Variants in FOXP1 observed in about 807,000 individuals in gnomAD.
FOXP1 encodes the protein forkhead box P1.
A neutral mutation model predicts 98.2 loss-of-function variants in FOXP1; 15 were observed. The ratio of observed to expected loss-of-function variants is 0.15; its 90% CI spans 0.10 to 0.24. FOXP1 has a LOEUF of 0.24. FOXP1 is among the 10% of genes least tolerant of loss of function. FOXP1 has a pLI of 1.00. For synonymous variants in FOXP1, 371 were observed against 314.5 expected, an observed-to-expected ratio of 1.18 and a Z score of -1.90; for missense variants, 633 against 848.5, an observed-to-expected ratio of 0.75 and a Z score of 3.15.
At chr3:71,019,236 G>A (rs952825624) in intron 11 of FOXP1, among the ~76,000 whole-genome samples, 1 of 152,160 alleles carries the variant, frequency 6.6e-6, no homozygotes, top group African/African-American at 2.4e-5. Context: ...AACATGGTGG[G>A]AAAAGGATGA....
At chr3:71,141,356 A>G (rs978796021) in intron 6 of FOXP1, among the ~76,000 whole-genome samples, 1 of 151,562 alleles carries the variant, frequency 6.6e-6, no homozygotes, top group Admixed American at 6.6e-5. Flanking sequence ...TTCCAGTGAC[A>G]CTGCATGTTT....
intron 2 of FOXP1, among the ~76,000 whole-genome samples, chr3:71,513,027 C>T (rs1301172790): frequency 6.6e-6 from 1 of 152,124 alleles, no homozygotes; most frequent in Admixed American, 6.5e-5. Context: ...AACATGAAAA[C>T]AGCCTGCTCC....
rs192895137 is a variant in FOXP1 at position 71,100,937 on chromosome 3, A to G, written c.282+11599T>C. Among the ~76,000 whole-genome samples, 52 of 152,284 alleles carry G rather than the reference A, an allele frequency of 3.4e-4. 1 individual carries two copies. The South Asian group carries it at 5.8e-3, about 17-fold the overall frequency. ...TAACGGTTCTGAAGAGCAGAATGAC[A>G]TGGCGTTCGAGGAGAGGATAGGAGG... is the stretch of plus-strand genomic sequence containing the variant. On this transcript the variant is annotated intron_variant, in intron 7 of 20. Transcript: ENST00000649528.
At chr3:71,518,622 G>C (rs575390740) in intron 2 of FOXP1, among the ~76,000 whole-genome samples, 2 of 152,236 alleles carry the variant, frequency 1.3e-5, no homozygotes, top group South Asian at 4.1e-4. Context: ...TGGCAGACTT[G>C]GAAAACACAT....
intron 2 of FOXP1, among the ~76,000 whole-genome samples, chr3:71,522,290 G>GGGA (rs2043051765): frequency 6.6e-6 from 1 of 152,044 alleles, no homozygotes; most frequent in African/African-American, 2.4e-5. Context: ...TATTTCTCAG[G>GGGA]GTAAACTCTA....
At chr3:71,462,622 G>A (rs908474720) in intron 3 of FOXP1, among the ~76,000 whole-genome samples, 12 of 152,116 alleles carry the variant, frequency 7.9e-5, no homozygotes, top group Non-Finnish European at 1.5e-4. Context: ...CAAAACCTCC[G>A]TAGAATTTAA....
chr3:71,003,157 T>A (rs1328551871), intron 12 of FOXP1, among the ~76,000 whole-genome samples: 2 of 152,194 alleles, frequency 1.3e-5, no homozygotes, highest in East Asian at 3.9e-4. Flanking sequence ...CTCTTCAAAG[T>A]CACCCTCGCC....
intron 4 of FOXP1, among the ~76,000 whole-genome samples, chr3:71,327,501 C>T (rs577325987): frequency 1.1e-4 from 16 of 149,442 alleles, no homozygotes; most frequent in Non-Finnish European, 2.2e-4. Context: ...CATTCTCCTG[C>T]CTTAGCCTCC....
intron 7 of FOXP1, among the ~76,000 whole-genome samples, chr3:71,063,944 G>T (rs189657861): frequency 6.6e-6 from 1 of 152,108 alleles, no homozygotes; most frequent in Non-Finnish European, 1.5e-5. Flanking sequence ...TTGGGGAGGA[G>T]AGGGGTAAAA....
chr3:71,057,222 T>C (rs536969001), intron 7 of FOXP1, among the ~76,000 whole-genome samples: 1 of 150,894 alleles, frequency 6.6e-6, no homozygotes, highest in South Asian at 2.1e-4. Context: ...AAAACAGTCA[T>C]GTGAGTTTTT....
rs184113585 is a variant in FOXP1, at chr3:71,365,420, G to A, written c.-167-6176C>T. 3.6e-4 allele frequency among the ~76,000 whole-genome samples: 42 copies of A among 116,016 alleles called. No homozygotes were observed. In the East Asian group the frequency reaches 7.3e-3, roughly 20 times the overall value. The allele number at this position is 116,016 out of a possible 152,430, so 76.1% of individuals were successfully genotyped here. On this transcript the variant is annotated intron_variant, in intron 3 of 20. Transcript: ENST00000649528. ...GCTTACTAGAATCCCATGCCATTCCGAACAAAAATCCAAGGAATACTTGCA... is the reference window on the plus strand; with the variant it reads ...GCTTACTAGAATCCCATGCCATTCCAAACAAAAATCCAAGGAATACTTGCA...
chr3:71,105,933 T>C (rs149774139), intron 7 of FOXP1, among the ~76,000 whole-genome samples: 14 of 152,302 alleles, frequency 9.2e-5, no homozygotes, highest in African/African-American at 3.1e-4. Context: ...AATAGCGTAA[T>C]TTACTTATTT....
intron 7 of FOXP1, among the ~76,000 whole-genome samples, chr3:71,058,343 A>C (rs2050967853): frequency 6.6e-6 from 1 of 152,220 alleles, no homozygotes; most frequent in South Asian, 2.1e-4. Flanking sequence ...GAAGATAAAA[A>C]ATGCTAAACA....
At chr3:71,582,510 A>C in intron 1 of FOXP1, 1 of 985,392 alleles carries the variant, frequency 1.0e-6, no homozygotes. Context: ...AGGGACGGAG[A>C]GCCATCGGCC....
intron 3 of FOXP1, among the ~76,000 whole-genome samples, chr3:71,467,229 A>G (rs964896527): frequency 1.3e-5 from 2 of 152,230 alleles, no homozygotes; most frequent in African/African-American, 4.8e-5. Context: ...ACATACATAT[A>G]TACATACACA....
intron 5 of FOXP1, among the ~76,000 whole-genome samples, chr3:71,208,532 A>C (rs2064211089): frequency 2.1e-5 from 1 of 48,378 alleles, no homozygotes; most frequent in Non-Finnish European, 3.8e-5. Flanking sequence ...TCTAGCATTT[A>C]AGTTTGTGTG....
chr3:71,337,503 A>G (rs1436313349), intron 4 of FOXP1, among the ~76,000 whole-genome samples: 2 of 152,204 alleles, frequency 1.3e-5, no homozygotes, highest in Non-Finnish European at 2.9e-5. Context: ...TAACTGTTCT[A>G]CTTTATAAAA....
chr3:71,309,573 T>C (rs1237422745), intron 4 of FOXP1, among the ~76,000 whole-genome samples: 3 of 152,110 alleles, frequency 2.0e-5, no homozygotes, highest in Non-Finnish European at 4.4e-5. Context: ...TCTTACTATA[T>C]CAATGCCTCA....
chr3:71,055,844 T>C (rs905050932), intron 7 of FOXP1, among the ~76,000 whole-genome samples: 2 of 152,220 alleles, frequency 1.3e-5, no homozygotes, highest in Admixed American at 1.3e-4. Flanking sequence ...CTGCGTTTCT[T>C]GGATGATGTA....
Sources: gnomAD v4.1 joint callset for allele counts (sites outside exome capture counted in the v4.1 genomes callset) on GRCh38, gnomAD v4.1.1 for gene constraint, MANE v1.5 for transcripts, NCBI Gene and HGNC (gene_info 2026-07-23, HGNC 2026-07-21) for gene names.